The following VPS51 variants were observed in gnomAD, a reference collection of about 807,000 sequenced individuals.
VPS51 encodes the protein VPS51 subunit of GARP complex.
Under a neutral mutation model 65.1 loss-of-function variants are expected in VPS51, and 55 were observed. That is an observed-to-expected ratio of 0.84 (90% confidence interval 0.68 to 1.06). The LOEUF (loss-of-function observed/expected upper bound fraction) is 1.06, where lower values mean the gene tolerates loss of function less well. Among genes scored for constraint, VPS51 ranks in the 50% least tolerant of loss-of-function variants. The pLI is 0.00. For missense variants in VPS51, 943 were observed against 1,101.6 expected (o/e 0.86, Z 2.04); for synonymous variants, 473 against 489.5 (o/e 0.97, Z 0.44).
chr11:65,109,315 C>T lies in VPS51; in HGVS notation c.1479C>T (p.Leu493=), dbSNP rs923833722. 6 of 1,613,444 alleles carry T rather than the reference C, an allele frequency of 3.7e-6. No individual in the cohort carries two copies. The highest frequency in any genetic ancestry group is 5.1e-6 in the Non-Finnish European group (6 of 1,179,894). The change falls in exon 6 of 10, where the codon CTC becomes CTT. Residue 493 remains leucine (L), a synonymous_variant. Transcript: ENST00000279281. ...GCAGTCAGGGTGTCCGTGAGGGCCT[C>T]ATCGTGGGCTTCGTCCACTCTATGT... The part of the protein sequence containing the change: ...EFCSQGVREG[L]IVGFVHSMCQ...
chr11:65,103,495 C>T (rs954654970), intron 2 of VPS51, among the ~76,000 whole-genome samples: 4 of 152,180 alleles, frequency 2.6e-5, no homozygotes, highest in African/African-American at 9.7e-5. Context: ...CTTAATAGCT[C>T]TACAGATGTG....
chr11:65,103,033 A>G (rs962267160), intron 2 of VPS51, among the ~76,000 whole-genome samples: 4 of 152,198 alleles, frequency 2.6e-5, no homozygotes, highest in Non-Finnish European at 4.4e-5. Context: ...GCTTGTGTGT[A>G]GTCCCAGCTA....
chr11:65,108,504 G>GGCAGCCGC lies in VPS51; in HGVS notation c.1034_1041dup (p.Tyr348AlafsTer78). The GGCAGCCGC allele has an allele frequency of 1.2e-6, 2 of 1,600,328 alleles. No individual in the cohort carries two copies. Among genetic ancestry groups the GGCAGCCGC allele is most frequent in the Non-Finnish European group, 1.7e-6 (2 of 1,177,540 alleles). ...GCTGGCGGCCTTCGCCCGGCAGCTG[G>GGCAGCCGC]GCAGCCGCTATTTTGCGCTGGTGGA... On this transcript the variant is annotated frameshift_variant, in exon 5 of 10. Coordinates refer to ENST00000279281, the MANE Select transcript of VPS51 (RefSeq NM_013265.4). LOFTEE classifies it high-confidence loss of function.
At position 65,107,492 on chromosome 11, in the gene VPS51, G is replaced by T; in HGVS notation, c.359-89G>T. On this transcript the variant is annotated intron_variant, in intron 2 of 9. Coordinates refer to ENST00000279281, the MANE Select transcript of VPS51 (RefSeq NM_013265.4). The surrounding 1 kb of genome is among the most constrained non-coding windows in gnomAD (Gnocchi z 4.0). ...ATGCGCCCCTGGAGCAAGCTGGGGC[G>T]TCTGTGAAGGGGTGGGTGAGAAGGA... 1 of 1,492,630 alleles carries T rather than the reference G, an allele frequency of 6.7e-7. No homozygotes were observed. The allele number at this position is 1,492,630 out of a possible 1,614,324, so 92.5% of individuals were successfully genotyped here.
chr11:65,109,517 G>A (rs373527162), intron 6 of VPS51, 22 bp downstream of exon 6: 21 of 1,602,372 alleles, frequency 1.3e-5, no homozygotes, highest in South Asian at 3.3e-5. Flanking sequence ...GCTCCTAGCC[G>A]GGCAGGGAAT....
intron 1 of VPS51, 40 bp downstream of exon 1, chr11:65,096,518 G>GGGGGGGGCC: frequency 2.0e-6 from 1 of 499,408 alleles, no homozygotes; most frequent in Middle Eastern, 6.0e-4. Context: ...GGGGAGGGGG[G>GGGGGGGGCC]AAGGGAACCA....
Position 65,110,763 on chromosome 11 carries a change from C to T in VPS51, c.2070C>T (p.Ser690=), listed in dbSNP as rs746100017. 7 of 1,614,016 alleles carry T rather than the reference C, an allele frequency of 4.3e-6. No homozygotes were observed. The East Asian group carries it at 1.3e-4, about 31-fold the overall frequency. The stretch of plus-strand genomic sequence containing the variant: ...TCTCTGAACGTATTGATGTGTTCAG[C>T]CCTGTGGAGTTCAACAAGGTCCGAC... ...KLFSERIDVF[S]PVEFNKVSVL... Residue 690 remains serine (S), a synonymous_variant, in exon 9 of 10, where the codon AGC becomes AGT. Transcript: ENST00000279281.
rs1947890407 is a variant in VPS51 at position 65,110,713 on chromosome 11, C to A, written c.2020C>A (p.Leu674Ile). The change falls in exon 9 of 10, where the codon CTC becomes ATC. Residue 674 changes from leucine (L) to isoleucine (I), a missense_variant. Leu to Ile is a conservative substitution (Grantham distance 5). Transcript: ENST00000279281. ...YTPSAPMDTN[L>I]LSNIQKLFSE... ...ATCCAGTGCCCCGATGGACACCAAC[C>A]TCTTGAGCAATATCCAGAAGCTATT... The A allele has an allele frequency of 6.2e-7, 1 of 1,614,064 alleles. No homozygotes were observed. Among genetic ancestry groups the A allele is most frequent in the Non-Finnish European group, 8.5e-7 (1 of 1,180,034 alleles).
Position 65,111,537 on chromosome 11 carries a change from C to T in VPS51, c.2299C>T (p.Pro767Ser), listed in dbSNP as rs1340300647. 7 of 1,612,622 alleles carry T rather than the reference C, an allele frequency of 4.3e-6. No individual in the cohort carries two copies. Among genetic ancestry groups the T allele is most frequent in the African/African-American group, 1.3e-5 (1 of 75,070 alleles). ...VASAALRCPD[P>S]VPMEPSVVEV... ...CTCTGCTGCCCTGCGCTGCCCAGAC[C>T]CTGTGCCCATGGAGCCCAGTGTGGT... The change falls in exon 10 of 10, where the codon CCT becomes TCT. Residue 767 changes from proline (P) to serine (S), a missense_variant. Around this residue, in one of 2 missense-constraint regions of VPS51, gnomAD observed 88 missense variants for 147.8 expected, o/e 0.60. Transcript: ENST00000279281.
chr11:65,109,657 C>A, intron 6 of VPS51, 48 bp from the exon 7 acceptor site: 3 of 1,526,844 alleles, frequency 2.0e-6, no homozygotes, highest in Non-Finnish European at 1.8e-6. Context: ...GGCCCCTGAG[C>A]TGCCCCCACC....
At chr11:65,109,575 C>A in intron 6 of VPS51, 80 bp downstream of exon 6, 3 of 1,553,206 alleles carry the variant, frequency 1.9e-6, no homozygotes, top group Non-Finnish European at 2.6e-6. Context: ...CATGGCCAGA[C>A]CCCAGACCAG....
Position 65,107,999 on chromosome 11 carries a change from C to A in VPS51, c.702C>A (p.Ala234=), listed in dbSNP as rs1041297354. 6.5e-7 allele frequency: 1 copy of A among 1,542,322 alleles called. No homozygotes were observed. The highest frequency in any genetic ancestry group is 1.2e-5 in the South Asian group (1 of 84,174). ...GCCAGGTCATCACGGCCCGCCTGGCCCAGCAGCTGCGGCAGCGCTTTAGGT... is the reference window on the plus strand; with the variant it reads ...GCCAGGTCATCACGGCCCGCCTGGCACAGCAGCTGCGGCAGCGCTTTAGGT... The part of the protein sequence containing the change: ...DDCQVITARL[A]QQLRQRFREG... Residue 234 remains alanine, a synonymous_variant, in exon 4 of 10, where the codon GCC becomes GCA. Coordinates refer to ENST00000279281, the MANE Select transcript of VPS51 (RefSeq NM_013265.4). The surrounding 1 kb of genome is among the most constrained non-coding windows in gnomAD (Gnocchi z 4.0).
chr11:65,107,773 C>G lies in VPS51; in HGVS notation c.506-30C>G. 7 of 1,603,968 alleles carry G rather than the reference C, an allele frequency of 4.4e-6. No individual in the cohort carries two copies. Among genetic ancestry groups the G allele is most frequent in the African/African-American group, 1.3e-5 (1 of 74,894 alleles). ...CCTGCAGTGGGCCTTTCCTGGGGCTCTGGGGCTAACGTCACCCTCCGTCCC... is the reference window on the plus strand; with the variant it reads ...CCTGCAGTGGGCCTTTCCTGGGGCTGTGGGGCTAACGTCACCCTCCGTCCC... On this transcript the variant is annotated intron_variant, in intron 3 of 9. Transcript: ENST00000279281. This position sits in a 1 kb window ranked among gnomAD's most constrained non-coding sequence, Gnocchi z 4.0.
chr11:65,100,835 C>A (rs1420765758), intron 2 of VPS51, among the ~76,000 whole-genome samples: 2 of 152,100 alleles, frequency 1.3e-5, no homozygotes, highest in African/African-American at 4.8e-5. Context: ...CAAGAGCCAC[C>A]ATGCCTGGCC....
chr11:65,101,762 CAAAAAAAAAAAAA>C (rs1165429983), intron 2 of VPS51, among the ~76,000 whole-genome samples: 116 of 26,348 alleles, frequency 4.4e-3, no homozygotes, highest in Non-Finnish European at 8.4e-3. Context: ...GACCTTGTCT[CAAAAAAAAAAAAA>C]AAAAAAAAAA....
chr11:65,100,816 G>A (rs1590810222), intron 2 of VPS51, among the ~76,000 whole-genome samples: 1 of 152,068 alleles, frequency 6.6e-6, no homozygotes, highest in African/African-American at 2.4e-5. Flanking sequence ...AAAGTACTGG[G>A]ATTACAGGCA....
intron 2 of VPS51, among the ~76,000 whole-genome samples, chr11:65,097,919 T>C (rs1042990331): frequency 2.2e-4 from 34 of 152,100 alleles, no homozygotes; most frequent in Non-Finnish European, 3.8e-4. Flanking sequence ...CAGTGGCTCA[T>C]GCCTGTAATC....
Position 65,096,419 on chromosome 11 carries a change from C to G in VPS51, c.169C>G (p.Pro57Ala). Residue 57 changes from proline (P) to alanine (A), a missense_variant, in exon 1 of 10, where the codon CCC becomes GCC. By Grantham distance (27) the Pro-to-Ala change is conservative. Transcript: ENST00000279281. ...EAAGRPAGPD[P>A]LDPTDLNGAH... Reference sequence around the variant, plus strand: ...GGCGGGACGCCCCGCGGGGCCCGACCCCCTGGACCCGACTGATCTGAACGG... The same window carrying G: ...GGCGGGACGCCCCGCGGGGCCCGACGCCCTGGACCCGACTGATCTGAACGG... The G allele has an allele frequency of 6.5e-7, 1 of 1,545,270 alleles. No individual in the cohort carries two copies. Among genetic ancestry groups the G allele is most frequent in the East Asian group, 2.4e-5 (1 of 41,016 alleles).
At position 65,096,510 on chromosome 11, in the gene VPS51, G is replaced by T. The variant is rs1056801443; in HGVS notation, c.228+32G>T. On this transcript the variant is annotated intron_variant, in intron 1 of 9. Transcript: ENST00000279281. ...GCGCACGGGGAGTGGGGGGGTGCGG[G>T]GAGGGGGGAAGGGAACCAGGCCCCT... 3 of 1,120,586 alleles carry T rather than the reference G, an allele frequency of 2.7e-6. No individual in the cohort carries two copies. In the African/African-American group the frequency reaches 4.8e-5, roughly 18 times the overall value. 69.4% of individuals were successfully genotyped at this position (1,120,586 alleles called of 1,614,324 possible).
Sources: allele counts gnomAD v4.1 joint callset (sites outside exome capture counted in the v4.1 genomes callset), GRCh38; gene constraint gnomAD v4.1.1; regional missense constraint gnomAD v4.1.1; non-coding constraint Gnocchi (gnomAD v3.1); transcripts MANE v1.5; gene names NCBI Gene and HGNC (gene_info 2026-07-23, HGNC 2026-07-21).